ADGRL3: variants seen among roughly 807,000 people sequenced by gnomAD.
ADGRL3 encodes calcium-independent alpha-latrotoxin receptor 3.
A neutral mutation model predicts 153.5 loss-of-function variants in ADGRL3; 62 were observed. The ratio of observed to expected loss-of-function variants is 0.40; its 90% CI spans 0.33 to 0.50. The LOEUF (loss-of-function observed/expected upper bound fraction) is 0.50. Among genes scored for constraint, ADGRL3 ranks in the 20% least tolerant of loss-of-function variants. ADGRL3 has a pLI of 0.47. For missense variants in ADGRL3, 1,641 were observed against 1,859.4 expected, an observed-to-expected ratio of 0.88 and a Z score of 2.16; for synonymous variants, 710 against 672.5, an observed-to-expected ratio of 1.06 and a Z score of -0.86.
At chr4:61,281,914 T>C (rs2093738301) in intron 1 of ADGRL3, among the ~76,000 whole-genome samples, 1 of 152,102 alleles carries the variant, frequency 6.6e-6, no homozygotes, top group South Asian at 2.1e-4. Flanking sequence ...GATTCACCAA[T>C]GTGAATATAC....
At chr4:61,578,361 AC>A (rs2098903565) in intron 4 of ADGRL3, among the ~76,000 whole-genome samples, 1 of 152,072 alleles carries the variant, frequency 6.6e-6, no homozygotes, top group Non-Finnish European at 1.5e-5. Context: ...TACAGGAAAA[AC>A]ACTTGATAAA....
intron 2 of ADGRL3, among the ~76,000 whole-genome samples, chr4:61,456,405 ATATATATATAGATATATCTATATC>A (rs60927269): frequency 0.24 from 12,790 of 52,264 alleles, 4,170 homozygotes; most frequent in Non-Finnish European, 0.35. Flanking sequence ...ATCTATATCT[ATATATATATAGATATATCTATATC>A]TATATATATA....
At chr4:61,668,883 G>T (rs941833056) in intron 5 of ADGRL3, among the ~76,000 whole-genome samples, 1 of 152,088 alleles carries the variant, frequency 6.6e-6, no homozygotes, top group Non-Finnish European at 1.5e-5. Flanking sequence ...GGTGGGCATG[G>T]TTATGTGTAC....
chr4:61,936,461 T>A (rs1242388329), intron 15 of ADGRL3, among the ~76,000 whole-genome samples: 2 of 152,114 alleles, frequency 1.3e-5, no homozygotes, highest in Non-Finnish European at 2.9e-5. Flanking sequence ...AGAGTGTTTT[T>A]GTGCTTTTCT....
chr4:61,736,345 G>A (rs1043740231), intron 8 of ADGRL3, among the ~76,000 whole-genome samples: 6 of 152,076 alleles, frequency 3.9e-5, no homozygotes, highest in East Asian at 1.9e-4. Flanking sequence ...TACTAGTGCC[G>A]ATATTTGTTA....
intron 4 of ADGRL3, among the ~76,000 whole-genome samples, chr4:61,545,481 C>A (rs750287156): frequency 1.9e-4 from 29 of 152,172 alleles, no homozygotes; most frequent in Non-Finnish European, 4.1e-4. Flanking sequence ...AGCTCTCAAA[C>A]GCATTTCCTC....
chr4:61,402,615 C>CT (rs2096943165), intron 2 of ADGRL3, among the ~76,000 whole-genome samples: 1 of 152,046 alleles, frequency 6.6e-6, no homozygotes, highest in South Asian at 2.1e-4. Context: ...CCTTTGCATG[C>CT]TTTGCTGCCC....
At chr4:61,466,207 T>C (rs1203651907) in intron 2 of ADGRL3, among the ~76,000 whole-genome samples, 1 of 152,182 alleles carries the variant, frequency 6.6e-6, no homozygotes, top group Non-Finnish European at 1.5e-5. Flanking sequence ...TTAAAGTTGA[T>C]AGTAACATTT....
intron 5 of ADGRL3, among the ~76,000 whole-genome samples, chr4:61,631,530 T>C (rs916457189): frequency 6.6e-6 from 1 of 152,184 alleles, no homozygotes; most frequent in Non-Finnish European, 1.5e-5. Flanking sequence ...AATGCTAAGG[T>C]AGACTCTTAG....
intron 13 of ADGRL3, among the ~76,000 whole-genome samples, chr4:61,926,209 C>G (rs2098793719): frequency 6.6e-6 from 1 of 152,154 alleles, no homozygotes; most frequent in South Asian, 2.1e-4. Flanking sequence ...ATGGGACCAG[C>G]ATGGTATACA....
intron 8 of ADGRL3, among the ~76,000 whole-genome samples, chr4:61,789,020 C>G (rs1451778636): frequency 2.6e-5 from 4 of 151,912 alleles, no homozygotes; most frequent in Non-Finnish European, 2.9e-5. Context: ...AGAGAATAAG[C>G]AACATTTTAA....
chr4:61,784,685 G>A (rs1232863842), intron 8 of ADGRL3, among the ~76,000 whole-genome samples: 1 of 152,024 alleles, frequency 6.6e-6, no homozygotes, highest in Non-Finnish European at 1.5e-5. Context: ...CCTAAGAATT[G>A]GGTTCAGAAC....
At chr4:61,428,875 A>ATC (rs2097316443) in intron 2 of ADGRL3, among the ~76,000 whole-genome samples, 3 of 114,624 alleles carry the variant, frequency 2.6e-5, no homozygotes, top group African/African-American at 9.3e-5. Flanking sequence ...ATCTATCTAT[A>ATC]TCATCTATCT....
intron 22 of ADGRL3, 47 bp downstream of exon 22, chr4:62,028,928 C>G: frequency 5.9e-6 from 9 of 1,536,938 alleles, no homozygotes; most frequent in Non-Finnish European, 8.0e-6. Flanking sequence ...TCAGTGTGGT[C>G]CCATGAACCA....
intron 6 of ADGRL3, among the ~76,000 whole-genome samples, chr4:61,700,475 T>C (rs1324983773): frequency 1.3e-5 from 2 of 152,102 alleles, no homozygotes; most frequent in Non-Finnish European, 2.9e-5. Flanking sequence ...GCCTTCAGGG[T>C]ACCGCGGATT....
chr4:61,435,952 A>G (rs905937469), intron 2 of ADGRL3, among the ~76,000 whole-genome samples: 1 of 151,584 alleles, frequency 6.6e-6, no homozygotes, highest in Non-Finnish European at 1.5e-5. Flanking sequence ...CACATTTTAA[A>G]ATTAAAAAAA....
At chr4:61,775,956 A>C (rs900913188) in intron 8 of ADGRL3, 10 of 174,264 alleles carry the variant, frequency 5.7e-5, no homozygotes, top group Middle Eastern at 5.1e-3. Context: ...GCTGGAGTGC[A>C]GTGGCACGAT....
chr4:61,218,210 A>C lies in ADGRL3; in HGVS notation c.-240+16445A>C, dbSNP rs145334299. Among the ~76,000 whole-genome samples the C allele has an allele frequency of 5.2e-3, 799 of 152,350 alleles. 6 individuals carry two copies. Among genetic ancestry groups the C allele is most frequent in the African/African-American group, 0.018 (754 of 41,592 alleles). ...AAGTGTGGTTTAGGAAAAGCAACTT[A>C]GTGAATTCAAATTTTTAAAAGAGGA... On this transcript the variant is annotated intron_variant, in intron 1 of 26. Transcript: ENST00000683033.
At chr4:61,449,180 G>A (rs1433677335) in intron 2 of ADGRL3, among the ~76,000 whole-genome samples, 1 of 151,886 alleles carries the variant, frequency 6.6e-6, no homozygotes, top group East Asian at 1.9e-4. Context: ...TCTGTCGCCA[G>A]GCTGGAGTGG....
Sources: allele counts gnomAD v4.1 joint callset (sites outside exome capture counted in the v4.1 genomes callset), GRCh38; gene constraint gnomAD v4.1.1; transcripts MANE v1.5; gene names NCBI Gene and HGNC (gene_info 2026-07-23, HGNC 2026-07-21).